The following CDH2 variants were observed in gnomAD, a reference collection of about 807,000 sequenced individuals.
The protein encoded by CDH2 is cadherin 2.
CDH2 carries 17 observed loss-of-function variants against 92.0 expected under a neutral mutation model. The observed-to-expected ratio is 0.18, with a 90% CI of 0.13 to 0.28. The LOEUF (loss-of-function observed/expected upper bound fraction) is 0.28. Ranked by LOEUF, CDH2 falls within the 10% of genes least tolerant of loss-of-function variation. The pLI, the probability that CDH2 is intolerant of heterozygous loss-of-function variation, is 1.00. For synonymous variants in CDH2, 419 were observed against 415.9 expected (o/e 1.01, Z -0.09); for missense variants, 862 against 1,133.1 (o/e 0.76, Z 3.44).
chr18:27,984,216 T>C (rs2012152067), intron 13 of CDH2, among the ~76,000 whole-genome samples: 1 of 152,138 alleles, frequency 6.6e-6, no homozygotes, highest in Non-Finnish European at 1.5e-5. Flanking sequence ...ATAAAAGAAA[T>C]GGCCAACATT....
At chr18:27,976,020 G>C (rs2011817081) in intron 14 of CDH2, among the ~76,000 whole-genome samples, 1 of 152,122 alleles carries the variant, frequency 6.6e-6, no homozygotes, top group South Asian at 2.1e-4. Flanking sequence ...CAGAATCGGG[G>C]GCAGGGCAGG....
chr18:28,169,475 C>A (rs112518006), intron 1 of CDH2, among the ~76,000 whole-genome samples: 3 of 152,202 alleles, frequency 2.0e-5, no homozygotes, highest in East Asian at 3.9e-4. Context: ...AAACTATGCA[C>A]CTTTTAATTT....
At chr18:28,052,125 G>A (rs1260536898) in intron 2 of CDH2, among the ~76,000 whole-genome samples, 1 of 152,098 alleles carries the variant, frequency 6.6e-6, no homozygotes. Flanking sequence ...AAGCAAGCTT[G>A]TATATTTTAC....
intron 2 of CDH2, among the ~76,000 whole-genome samples, chr18:28,117,676 T>A (rs929830020): frequency 6.6e-6 from 1 of 152,112 alleles, no homozygotes; most frequent in Non-Finnish European, 1.5e-5. Context: ...TTGTTTTACT[T>A]TATATTGGTT....
intron 1 of CDH2, among the ~76,000 whole-genome samples, chr18:28,165,613 C>T (rs759516859): frequency 6.6e-6 from 1 of 152,084 alleles, no homozygotes; most frequent in Non-Finnish European, 1.5e-5. Flanking sequence ...GATGGGCATA[C>T]TGAAAGAGAA....
chr18:28,031,048 T>C (rs1232091817), intron 2 of CDH2, among the ~76,000 whole-genome samples: 1 of 151,322 alleles, frequency 6.6e-6, no homozygotes, highest in Non-Finnish European at 1.5e-5. Context: ...GAATCTTGAA[T>C]ATATATGTCT....
chr18:28,161,662 C>T (rs17495272), intron 1 of CDH2, among the ~76,000 whole-genome samples: 1 of 151,572 alleles, frequency 6.6e-6, no homozygotes, highest in Non-Finnish European at 1.5e-5. Flanking sequence ...CTGACAGATG[C>T]CCATCTCGCC....
chr18:28,109,503 C>T (rs2015376236), intron 2 of CDH2, among the ~76,000 whole-genome samples: 1 of 152,112 alleles, frequency 6.6e-6, no homozygotes, highest in East Asian at 1.9e-4. Context: ...TTGGCCACAC[C>T]TCTGTTACAT....
intron 7 of CDH2, among the ~76,000 whole-genome samples, chr18:28,000,919 AC>A (rs2012746120): frequency 2.6e-5 from 4 of 152,186 alleles, no homozygotes; most frequent in Non-Finnish European, 5.9e-5. Context: ...TCAAGTCTGC[AC>A]GAGGCCTGAA....
Position 27,963,804 on chromosome 18 carries a change from A to T in CDH2, c.2350-283T>A, listed in dbSNP as rs1044731232. The T allele has an allele frequency of 7.3e-5, 24 of 328,752 alleles. No homozygotes were observed. The Admixed American group carries it at 8.4e-4, about 12-fold the overall frequency. The allele number at this position is 328,752 out of a possible 1,614,324, so 20.4% of individuals were successfully genotyped here. ...GTGTGATGAGGTCTCACTATAAAAC[A>T]ACTAAAAAACCGACTAGACAATATA... On this transcript the variant is annotated intron_variant, in intron 14 of 15. Transcript: ENST00000269141.
intron 2 of CDH2, among the ~76,000 whole-genome samples, chr18:28,083,442 T>C (rs2014868373): frequency 6.6e-6 from 1 of 151,830 alleles, no homozygotes; most frequent in Non-Finnish European, 1.5e-5. Context: ...GAAATTGTTT[T>C]AAAAATCTTT....
intron 2 of CDH2, among the ~76,000 whole-genome samples, chr18:28,031,033 A>G (rs2013682146): frequency 6.6e-6 from 1 of 151,448 alleles, no homozygotes; most frequent in Admixed American, 6.6e-5. Context: ...CACCTGTACC[A>G]AGATGAATCT....
At chr18:27,959,643 T>C (rs1315370360) in intron 15 of CDH2, 1 of 152,214 alleles carries the variant, frequency 6.6e-6, no homozygotes, top group Non-Finnish European at 1.5e-5. Context: ...GGAGAGTTAT[T>C]ACTGGCTTAG....
At chr18:28,118,103 T>G (rs1266484870) in intron 2 of CDH2, among the ~76,000 whole-genome samples, 1 of 87,604 alleles carries the variant, frequency 1.1e-5, no homozygotes, top group Non-Finnish European at 3.1e-5. Flanking sequence ...CTGAGTTCTG[T>G]TTTTTTTTTT....
rs183434915 is a variant in CDH2, at chr18:27,957,934, C to T, written c.2514+5423G>A. ...TAATTGTTTTCTTACAATTAGAGAA[C>T]AGCAGAAAATCTTTTACTCCTAAAA... On this transcript the variant is annotated intron_variant, in intron 15 of 15. Coordinates refer to ENST00000269141, the MANE Select transcript of CDH2 (RefSeq NM_001792.5). Among the ~76,000 whole-genome samples, 7 of 152,256 alleles carry T rather than the reference C, an allele frequency of 4.6e-5. No individual in the cohort carries two copies. The East Asian group carries it at 1.4e-3, about 29-fold the overall frequency.
In CDH2 at chr18:27,945,323, A is replaced by ATTTTTTT. The variant is rs66537834; in HGVS notation, c.1152-12206_1152-12200dup. On this transcript the variant is annotated intron_variant, in intron 6 of 6. Transcript: ENST00000675173. ...CAACTGATACTTTCCAGGAAGGAAGATTTTTTTTTTTTTTTTTTTTTTTTT... is the reference window on the plus strand; with the variant it reads ...CAACTGATACTTTCCAGGAAGGAAGATTTTTTTTTTTTTTTTTTTTTTTTTTTTTTTT... 3.8e-3 allele frequency among the ~76,000 whole-genome samples: 253 copies of ATTTTTTT among 66,430 alleles called. 11 individuals are homozygous for ATTTTTTT. The highest frequency in any genetic ancestry group is 0.013 in the African/African-American group (221 of 16,942). 43.6% of individuals were successfully genotyped at this position (66,430 alleles called of 152,430 possible). A position where few individuals can be genotyped will look rare whatever the true frequency, so the allele number is the denominator to read the frequency against.
intron 2 of CDH2, among the ~76,000 whole-genome samples, chr18:28,041,526 T>C (rs1366150284): frequency 1.3e-5 from 2 of 152,224 alleles, no homozygotes; most frequent in Non-Finnish European, 2.9e-5. Flanking sequence ...CAGGCAACTG[T>C]GTTTTTAACG....
intron 11 of CDH2, 54 bp downstream of exon 11, chr18:27,988,470 A>C: frequency 6.6e-7 from 1 of 1,504,078 alleles, no homozygotes; most frequent in Non-Finnish European, 9.2e-7. Flanking sequence ...CTGAGCATGC[A>C]TGATGAGGAT....
At chr18:27,978,592 A>C in intron 14 of CDH2, among the ~76,000 whole-genome samples, 1 of 139,182 alleles carries the variant, frequency 7.2e-6, no homozygotes, top group South Asian at 2.5e-4. Context: ...TATAGCTTCA[A>C]GAAAATAATA....
Sources: allele counts gnomAD v4.1 joint callset (sites outside exome capture counted in the v4.1 genomes callset), GRCh38; gene constraint gnomAD v4.1.1; transcripts MANE v1.5; gene names NCBI Gene and HGNC (gene_info 2026-07-23, HGNC 2026-07-21).